Variants in TACC2 observed in about 807,000 individuals in gnomAD.
TACC2 encodes the protein transforming acidic coiled-coil-containing protein 2.
Under a neutral mutation model 227.3 loss-of-function variants are expected in TACC2, and 137 were observed. The ratio of observed to expected loss-of-function variants is 0.60; its 90% CI spans 0.52 to 0.69. TACC2 has a LOEUF of 0.69. TACC2 is among the 30% of genes least tolerant of loss of function. The pLI is 0.00. For synonymous variants in TACC2, 1,523 were observed against 1,487.5 expected (o/e 1.02, Z -0.55); for missense variants, 3,470 against 3,694.4 (o/e 0.94, Z 1.57).
At chr10:122,134,600 C>T (rs949243270) in intron 6 of TACC2, among the ~76,000 whole-genome samples, 1 of 152,204 alleles carries the variant, frequency 6.6e-6, no homozygotes, top group Non-Finnish European at 1.5e-5. Flanking sequence ...CGTGGGGCAC[C>T]CCCTTCCTGT....
intron 1 of TACC2, among the ~76,000 whole-genome samples, chr10:122,006,448 C>T (rs566067916): frequency 9.4e-4 from 76 of 80,690 alleles, no homozygotes; most frequent in African/African-American, 2.9e-3. Context: ...GACTCAGTCT[C>T]AAAAAATAAA....
At chr10:122,164,988 A>C (rs1209330749) in intron 7 of TACC2, among the ~76,000 whole-genome samples, 1 of 152,080 alleles carries the variant, frequency 6.6e-6, no homozygotes, top group East Asian at 1.9e-4. Flanking sequence ...CCTGGGCTTC[A>C]GTGAGGAGCT....
intron 5 of TACC2, among the ~76,000 whole-genome samples, chr10:122,132,104 T>G (rs2088387325): frequency 6.9e-6 from 1 of 145,982 alleles, no homozygotes; most frequent in Non-Finnish European, 1.5e-5. Context: ...CAAAGGTTTC[T>G]AAACACTTAC....
intron 7 of TACC2, among the ~76,000 whole-genome samples, chr10:122,160,226 G>C (rs1341858583): frequency 6.6e-6 from 1 of 152,140 alleles, no homozygotes; most frequent in Non-Finnish European, 1.5e-5. Flanking sequence ...CTTTGGGGAC[G>C]TCAGTAGGAA....
At chr10:122,112,829 C>G (rs1006115388) in intron 5 of TACC2, among the ~76,000 whole-genome samples, 63 of 152,248 alleles carry the variant, frequency 4.1e-4, no homozygotes, top group African/African-American at 1.5e-3. Context: ...CGTCTCTCGC[C>G]TGCCGCTCTG....
Position 122,050,445 on chromosome 10 carries a change from T to C in TACC2, c.41T>C (p.Leu14Ser). ...ENSTSDNQRT[L>S]SAQTPRSAQP... ...CTTTTTCTCCTGGCTCAGAGGACTT[T>C]ATCAGCTCAGACTCCAAGGTCCGCG... Residue 14 changes from leucine to serine, a missense_variant, in exon 3 of 23, where the codon TTA (leucine) becomes TCA (serine). Around this residue, in one of 10 missense-constraint regions of TACC2, gnomAD observed 405 missense variants for 389.6 expected, o/e 1.04. Coordinates refer to ENST00000369005, the MANE Select transcript of TACC2 (RefSeq NM_206862.4). The surrounding 1 kb of genome is among the most constrained non-coding windows in gnomAD (Gnocchi z 4.6). 1 of 1,613,854 alleles carries C rather than the reference T, an allele frequency of 6.2e-7. No individual in the cohort carries two copies. The highest frequency in any genetic ancestry group is 1.7e-5 in the Admixed American group (1 of 59,958).
At chr10:122,159,117 G>A (rs2092669803) in intron 7 of TACC2, among the ~76,000 whole-genome samples, 1 of 151,980 alleles carries the variant, frequency 6.6e-6, no homozygotes, top group Non-Finnish European at 1.5e-5. Flanking sequence ...GAGCTGGGAT[G>A]TGATTTTCTG....
intron 1 of TACC2, among the ~76,000 whole-genome samples, chr10:122,018,269 A>G (rs1197413868): frequency 6.6e-6 from 1 of 152,194 alleles, no homozygotes; most frequent in Non-Finnish European, 1.5e-5. Context: ...GATGGCTTCC[A>G]GCTTCATCCA....
chr10:122,129,403 C>T (rs979139556), intron 5 of TACC2, among the ~76,000 whole-genome samples: 7 of 152,074 alleles, frequency 4.6e-5, no homozygotes, highest in South Asian at 2.1e-4. Flanking sequence ...CCTGTGGTTG[C>T]GCCTTAATTT....
chr10:122,125,873 T>C (rs867738649), intron 5 of TACC2, among the ~76,000 whole-genome samples: 8 of 145,534 alleles, frequency 5.5e-5, no homozygotes, highest in Non-Finnish European at 1.2e-4. Flanking sequence ...GCCTCCCAGG[T>C]TCAAGCGATT....
intron 6 of TACC2, among the ~76,000 whole-genome samples, chr10:122,142,689 C>T (rs928598053): frequency 3.3e-5 from 5 of 152,222 alleles, no homozygotes; most frequent in Admixed American, 3.3e-4. Context: ...CCAGCTACCA[C>T]CTCAGGCTGG....
intron 5 of TACC2, among the ~76,000 whole-genome samples, chr10:122,101,225 T>C (rs1362908226): frequency 6.6e-6 from 1 of 152,094 alleles, no homozygotes; most frequent in African/African-American, 2.4e-5. Flanking sequence ...ACCTGCAAAA[T>C]GAGTATAAAA....
intron 3 of TACC2, among the ~76,000 whole-genome samples, chr10:122,069,535 C>A (rs1377215274): frequency 6.6e-6 from 1 of 152,210 alleles, no homozygotes; most frequent in South Asian, 2.1e-4. Flanking sequence ...AGCCACTGCG[C>A]CTGGCCCCCA....
intron 2 of TACC2, among the ~76,000 whole-genome samples, chr10:122,036,646 G>A (rs1214433286): frequency 3.3e-5 from 5 of 151,962 alleles, no homozygotes; most frequent in African/African-American, 1.2e-4. Context: ...GATTACAGGC[G>A]TGCACCATCA....
At chr10:122,101,739 TTTTTTTGTATTTTTAGTAGAGATGGAG>T in intron 5 of TACC2, among the ~76,000 whole-genome samples, 1 of 135,072 alleles carries the variant, frequency 7.4e-6, no homozygotes, top group South Asian at 2.6e-4. Context: ...TTTTTTTTTT[TTTTTTTGTATTTTTAGTAGAGATGGAG>T]TTTCACCGTG....
intron 7 of TACC2, among the ~76,000 whole-genome samples, chr10:122,156,292 C>T (rs1317155289): frequency 1.4e-5 from 2 of 147,702 alleles, no homozygotes; most frequent in Non-Finnish European, 3.0e-5. Context: ...GGCGTGACTT[C>T]GGCTCACTGC....
intron 3 of TACC2, among the ~76,000 whole-genome samples, chr10:122,054,354 A>T (rs911257616): frequency 1.5e-4 from 23 of 152,150 alleles, no homozygotes; most frequent in African/African-American, 5.6e-4. Context: ...GTGAAGCTTA[A>T]CCCCAGTAGC....
chr10:122,124,328 G>A (rs2086412433), intron 5 of TACC2, among the ~76,000 whole-genome samples: 1 of 152,196 alleles, frequency 6.6e-6, no homozygotes, highest in African/African-American at 2.4e-5. Context: ...TGGTCCCAGT[G>A]TGTCCTGCAT....
chr10:121,996,745 A>C (rs1204083733), intron 1 of TACC2, among the ~76,000 whole-genome samples: 1 of 152,118 alleles, frequency 6.6e-6, no homozygotes, highest in Admixed American at 6.6e-5. Flanking sequence ...GGCTTGAGGG[A>C]AAGATGTTAA....
Sources: allele counts gnomAD v4.1 joint callset (sites outside exome capture counted in the v4.1 genomes callset), GRCh38; gene constraint gnomAD v4.1.1; regional missense constraint gnomAD v4.1.1; non-coding constraint Gnocchi (gnomAD v3.1); transcripts MANE v1.5; gene names NCBI Gene and HGNC (gene_info 2026-07-23, HGNC 2026-07-21).